Variants in ZDHHC13 observed in about 807,000 individuals in gnomAD.
The protein encoded by ZDHHC13 is zDHHC palmitoyltransferase 13.
In ZDHHC13, 85 loss-of-function variants were observed where a neutral mutation model predicts 86.0. The observed-to-expected ratio is 0.99, with a 90% confidence interval of 0.83 to 1.18. The LOEUF is 1.18. ZDHHC13 is among the 50% of genes most tolerant of loss of function. ZDHHC13 has a pLI of 0.00. For synonymous variants in ZDHHC13, 263 were observed against 246.4 expected (o/e 1.07, Z -0.63); for missense variants, 711 against 730.2 (o/e 0.97, Z 0.30).
intron 9 of ZDHHC13, among the ~76,000 whole-genome samples, chr11:19,158,168 T>C (rs1849809678): frequency 6.6e-6 from 1 of 152,158 alleles, no homozygotes. Flanking sequence ...ATGGTTATGA[T>C]CCTGGTAGCT....
At position 19,163,369 on chromosome 11, in the gene ZDHHC13, A is replaced by T; in HGVS notation, c.1175A>T (p.Tyr392Phe). The change falls in exon 11 of 17, where the codon TAT (tyrosine) becomes TTT (phenylalanine). Residue 392 changes from tyrosine to phenylalanine, a missense_variant. Physicochemically the swap from Tyr to Phe is conservative, Grantham distance 22. Transcript: ENST00000446113. ...ATAGTAGCCTTTCTATACTTTTTCT[A>T]TAAGACTTGGGCAACTGATCCAGGC... ...FSIVAFLYFFYKTWATDPGFT... is the reference protein window; with the variant it reads ...FSIVAFLYFFFKTWATDPGFT... 1 of 1,608,354 alleles carries T rather than the reference A, an allele frequency of 6.2e-7. No individual in the cohort carries two copies. Among genetic ancestry groups the T allele is most frequent in the Non-Finnish European group, 8.5e-7 (1 of 1,177,414 alleles).
chr11:19,128,827 T>C (rs957672677), intron 1 of ZDHHC13, among the ~76,000 whole-genome samples: 1 of 152,208 alleles, frequency 6.6e-6, no homozygotes, highest in East Asian at 1.9e-4. Flanking sequence ...TTTTCATTTA[T>C]AGCAATTTTC....
chr11:19,130,040 A>C (rs893567054), intron 1 of ZDHHC13, among the ~76,000 whole-genome samples: 3 of 152,118 alleles, frequency 2.0e-5, no homozygotes, highest in African/African-American at 7.2e-5. Context: ...GTGAGCCGAG[A>C]TCACGCCACT....
rs1481240797 is a variant in ZDHHC13, at chr11:19,164,989, T to C, written c.1297-63T>C. On this transcript the variant is annotated intron_variant, in intron 12 of 16. Coordinates refer to ENST00000446113, the MANE Select transcript of ZDHHC13 (RefSeq NM_019028.3). The stretch of plus-strand genomic sequence containing the variant: ...TGTGACCTAAAGTTAAAATTTTGCT[T>C]GTGATTTGTTACCACTTTGAGACAC... 7 of 1,446,070 alleles carry C rather than the reference T, an allele frequency of 4.8e-6. No individual in the cohort carries two copies. The East Asian group carries it at 1.7e-4, about 34-fold the overall frequency. The allele number at this position is 1,446,070 out of a possible 1,614,324, so 89.6% of individuals were successfully genotyped here. A position where few individuals can be genotyped will look rare whatever the true frequency, so the allele number is the denominator to read the frequency against.
At position 19,146,104 on chromosome 11, in the gene ZDHHC13, T is replaced by C. The variant is rs559972723; in HGVS notation, c.174-77T>C. ...AAAGGCAGTTTGGATAGTGAAAAGA[T>C]ATAGTAAAGTGAAGAAATTTTGATA... On this transcript the variant is annotated intron_variant, in intron 2 of 16. Coordinates refer to ENST00000446113, the MANE Select transcript of ZDHHC13 (RefSeq NM_019028.3). The C allele has an allele frequency of 1.6e-5, 23 of 1,406,366 alleles. No homozygotes were observed. The African/African-American group carries it at 3.3e-4, about 20-fold the overall frequency. The allele number at this position is 1,406,366 out of a possible 1,614,324, so 87.1% of individuals were successfully genotyped here. A position where few individuals can be genotyped will look rare whatever the true frequency, so the allele number is the denominator to read the frequency against.
At chr11:19,167,616 C>T (rs1236149523) in intron 14 of ZDHHC13, 1 of 152,146 alleles carries the variant, frequency 6.6e-6, no homozygotes, top group South Asian at 2.1e-4. Flanking sequence ...AGACCCTTTC[C>T]TACCTGACGC....
At chr11:19,125,622 A>G (rs932592468) in intron 1 of ZDHHC13, among the ~76,000 whole-genome samples, 1 of 152,238 alleles carries the variant, frequency 6.6e-6, no homozygotes, top group African/African-American at 2.4e-5. Context: ...AAGGATGTTC[A>G]CACAAAAGTT....
intron 1 of ZDHHC13, among the ~76,000 whole-genome samples, chr11:19,140,811 C>G (rs1209291581): frequency 6.6e-6 from 1 of 150,738 alleles, no homozygotes; most frequent in African/African-American, 2.4e-5. Flanking sequence ...TAAACTATTG[C>G]AAGAACAAAA....
At chr11:19,119,112 A>G (rs901349049) in intron 1 of ZDHHC13, among the ~76,000 whole-genome samples, 2 of 152,062 alleles carry the variant, frequency 1.3e-5, no homozygotes, top group African/African-American at 4.8e-5. Context: ...TTCTGACCTC[A>G]TCTTTTTTTT....
chr11:19,140,948 G>A (rs1849301665), intron 1 of ZDHHC13, among the ~76,000 whole-genome samples: 1 of 151,092 alleles, frequency 6.6e-6, no homozygotes, highest in South Asian at 2.1e-4. Context: ...GATAGCATTG[G>A]GAGATATACC....
intron 1 of ZDHHC13, among the ~76,000 whole-genome samples, chr11:19,128,965 A>G (rs1848933668): frequency 6.6e-6 from 1 of 152,204 alleles, no homozygotes; most frequent in African/African-American, 2.4e-5. Flanking sequence ...GTCTGTGTAA[A>G]TACACATTGT....
rs1488609978 is a variant in ZDHHC13, at chr11:19,163,460, G to A, written c.1233+33G>A. 4.5e-6 allele frequency: 7 copies of A among 1,555,312 alleles called. No individual in the cohort carries two copies. In the East Asian group the frequency reaches 6.8e-5, roughly 15 times the overall value. On this transcript the variant is annotated intron_variant, in intron 11 of 16. Coordinates refer to ENST00000446113, the MANE Select transcript of ZDHHC13 (RefSeq NM_019028.3). ...TTCTTCGTTACTGATATTTTTAATAGGAGGGTTTGTAAACTTTAGAAAGTT... is the reference window on the plus strand; with the variant it reads ...TTCTTCGTTACTGATATTTTTAATAAGAGGGTTTGTAAACTTTAGAAAGTT...
intron 15 of ZDHHC13, 27 bp downstream of exon 15, chr11:19,170,595 T>C: frequency 6.7e-7 from 1 of 1,500,470 alleles, no homozygotes; most frequent in South Asian, 1.3e-5. Context: ...TTATAATGGC[T>C]TTGAGTAAAA....
At chr11:19,118,918 G>GT (rs1848702503) in intron 1 of ZDHHC13, 1 of 152,192 alleles carries the variant, frequency 6.6e-6, no homozygotes, top group Non-Finnish European at 1.5e-5. Flanking sequence ...CAAGACTTCA[G>GT]TCGTTCATTC....
chr11:19,135,091 GCTCTGGTCT>G (rs1849098585), intron 1 of ZDHHC13, among the ~76,000 whole-genome samples: 1 of 152,200 alleles, frequency 6.6e-6, no homozygotes, highest in South Asian at 2.1e-4. Context: ...AATAGGAACA[GCTCTGGTCT>G]ACAGCTCCCA....
At chr11:19,149,162 A>G (rs1402289470) in intron 4 of ZDHHC13, 25 bp from the exon 5 acceptor site, 1 of 1,503,814 alleles carries the variant, frequency 6.6e-7, no homozygotes, top group Non-Finnish European at 9.0e-7. Flanking sequence ...ATGCTACAGA[A>G]TGGCTTTTTG....
At chr11:19,140,935 A>T (rs182196768) in intron 1 of ZDHHC13, among the ~76,000 whole-genome samples, 1 of 78,134 alleles carries the variant, frequency 1.3e-5, no homozygotes. Flanking sequence ...GGGAGGGGGG[A>T]GGGATAGCAT....
Position 19,133,920 on chromosome 11 carries a change from CAT to C in ZDHHC13, c.28-9036_28-9035del, listed in dbSNP as rs1554961794. Among the ~76,000 whole-genome samples the C allele has an allele frequency of 8.1e-3, 678 of 83,388 alleles. 26 individuals are homozygous for C. The highest frequency in any genetic ancestry group is 0.023 in the African/African-American group (604 of 26,012). 54.7% of individuals were successfully genotyped at this position (83,388 alleles called of 152,430 possible). A position where few individuals can be genotyped will look rare whatever the true frequency, so the allele number is the denominator to read the frequency against. ...TTCTTTACTCTTTACGAAAGAAGTC[CAT>C]ATATATATATATATATATATACACG... On this transcript the variant is annotated intron_variant, in intron 1 of 16. Transcript: ENST00000446113.
chr11:19,152,874 G>A (rs1027720695), intron 8 of ZDHHC13, among the ~76,000 whole-genome samples, 190 bp downstream of exon 8: 7 of 151,978 alleles, frequency 4.6e-5, no homozygotes, highest in South Asian at 2.1e-4. Context: ...TTTATTGTTG[G>A]TCCTCAACTA....
Sources: gnomAD v4.1 joint callset for allele counts (sites outside exome capture counted in the v4.1 genomes callset) on GRCh38, gnomAD v4.1.1 for gene constraint, MANE v1.5 for transcripts, NCBI Gene and HGNC (gene_info 2026-07-23, HGNC 2026-07-21) for gene names.